The following PHACTR2 variants were observed in gnomAD, a reference collection of about 807,000 sequenced individuals.
PHACTR2 encodes the protein phosphatase and actin regulator 2.
In PHACTR2, 30 loss-of-function variants were observed where a neutral mutation model predicts 76.0. That is an observed-to-expected ratio of 0.39 (90% CI 0.30 to 0.54). PHACTR2 has a LOEUF of 0.54. PHACTR2 is among the 20% of genes least tolerant of loss of function. PHACTR2 has a pLI of 0.61. For synonymous variants in PHACTR2, 292 were observed against 292.5 expected (o/e 1.00, Z 0.02); for missense variants, 696 against 781.1 (o/e 0.89, Z 1.30).
chr6:143,581,512 G>A lies in PHACTR2; in HGVS notation c.217+44305G>A, dbSNP rs114311334. On this transcript the variant is annotated intron_variant, in intron 1 of 11. Transcript: ENST00000367584. This position sits in a 1 kb window ranked among gnomAD's most constrained non-coding sequence, Gnocchi z 4.5. ...GGACCTTTTCTGCAGACGGTGGCCT[G>A]GAGAAGAAGCTCTTTTTCCACTGAA... Among the ~76,000 whole-genome samples the A allele has an allele frequency of 3.3e-5, 5 of 152,262 alleles. No individual in the cohort carries two copies. Among genetic ancestry groups the A allele is most frequent in the African/African-American group, 1.2e-4 (5 of 41,540 alleles).
chr6:143,590,595 A>G (rs1055759199), intron 1 of PHACTR2, among the ~76,000 whole-genome samples: 5 of 151,664 alleles, frequency 3.3e-5, no homozygotes, highest in African/African-American at 1.2e-4. Context: ...GCTATTGAAA[A>G]AGAGAAAGGA....
intron 1 of PHACTR2, among the ~76,000 whole-genome samples, chr6:143,650,389 C>G (rs1450529056): frequency 6.6e-6 from 1 of 152,050 alleles, no homozygotes; most frequent in African/African-American, 2.4e-5. Flanking sequence ...CGAGGCAATC[C>G]TAAGCAAAAA....
chr6:143,781,292 A>G (rs1040168294), intron 9 of PHACTR2, among the ~76,000 whole-genome samples: 8 of 152,216 alleles, frequency 5.3e-5, no homozygotes, highest in Non-Finnish European at 1.2e-4. Context: ...CTTTTTAGAC[A>G]TCACTGTTAC....
intron 4 of PHACTR2, among the ~76,000 whole-genome samples, chr6:143,759,992 C>T (rs930513940): frequency 1.3e-5 from 2 of 152,126 alleles, no homozygotes; most frequent in Admixed American, 1.3e-4. Flanking sequence ...GTGACTGTAA[C>T]GTGTTCATCT....
intron 1 of PHACTR2, 88 bp from the exon 2 acceptor site, chr6:143,711,928 C>T (rs1778183563): frequency 1.8e-6 from 2 of 1,134,802 alleles, no homozygotes; most frequent in Admixed American, 1.7e-5. Flanking sequence ...GACGTGCTTA[C>T]CGTTAACAGC....
Position 143,776,931 on chromosome 6 carries a change from GA to G in PHACTR2, c.1590-392del, listed in dbSNP as rs1449696898. On this transcript the variant is annotated intron_variant, in intron 8 of 12. Coordinates refer to ENST00000440869, the MANE Select transcript of PHACTR2 (RefSeq NM_001100164.2). This position sits in a 1 kb window ranked among gnomAD's most constrained non-coding sequence, Gnocchi z 5.3. Reference sequence around the variant, plus strand: ...CATCATGCTGAAGTTCTAGCCTGTGGAAAAAGGAAAGAGAAAGAAGGGAGCA... The same window carrying G: ...CATCATGCTGAAGTTCTAGCCTGTGGAAAAGGAAAGAGAAAGAAGGGAGCA... Among the ~76,000 whole-genome samples, 1 of 152,166 alleles carries G rather than the reference GA, an allele frequency of 6.6e-6. No individual in the cohort carries two copies. Among genetic ancestry groups the G allele is most frequent in the Non-Finnish European group, 1.5e-5 (1 of 68,032 alleles).
chr6:143,577,890 GA>G (rs1198892070), intron 1 of PHACTR2, among the ~76,000 whole-genome samples: 1 of 152,154 alleles, frequency 6.6e-6, no homozygotes, highest in Non-Finnish European at 1.5e-5. Context: ...AAAACCAAGG[GA>G]AAGCGAGAGG....
rs1357958727 is a variant in PHACTR2 at position 143,739,176 on chromosome 6, T to G, written c.215-9809T>G. ...GCCTCCCGGGTTCACTCCGTTCTCC[T>G]GCCTCAGCCTCCCAAGTAGCTGGGA... On this transcript the variant is annotated intron_variant, in intron 2 of 12. Coordinates refer to ENST00000440869, the MANE Select transcript of PHACTR2 (RefSeq NM_001100164.2). The surrounding 1 kb of genome is among the most constrained non-coding windows in gnomAD (Gnocchi z 4.3). Among the ~76,000 whole-genome samples, 2 of 152,178 alleles carry G rather than the reference T, an allele frequency of 1.3e-5. No homozygotes were observed. Among genetic ancestry groups the G allele is most frequent in the Non-Finnish European group, 2.9e-5 (2 of 68,018 alleles).
At chr6:143,603,882 T>G (rs920829272), upstream of PHACTR2, among the ~76,000 whole-genome samples, 3 of 151,990 alleles carry the variant, frequency 2.0e-5, no homozygotes, top group African/African-American at 7.2e-5. Context: ...GTGGATCACT[T>G]GAGGTCAGGA....
Position 143,654,240 on chromosome 6 carries a change from G to C in PHACTR2, c.13+45918G>C, listed in dbSNP as rs1279298055. On this transcript the variant is annotated intron_variant, in intron 1 of 11. Transcript: ENST00000305766. The surrounding 1 kb of genome is among the most constrained non-coding windows in gnomAD (Gnocchi z 4.6). ...TTGCAAGGATTTGGAGAAATTGATG[G>C]TGGAAATTTAAAATGATATAGTCAC... Among the ~76,000 whole-genome samples, 2 of 152,142 alleles carry C rather than the reference G, an allele frequency of 1.3e-5. No individual in the cohort carries two copies. Among genetic ancestry groups the C allele is most frequent in the African/African-American group, 4.8e-5 (2 of 41,434 alleles).
At chr6:143,735,323 A>G (rs773883233) in intron 2 of PHACTR2, among the ~76,000 whole-genome samples, 3 of 152,248 alleles carry the variant, frequency 2.0e-5, no homozygotes, top group Non-Finnish European at 2.9e-5. Flanking sequence ...ACTAGATATT[A>G]GAAAATTATT....
intron 12 of PHACTR2, among the ~76,000 whole-genome samples, chr6:143,812,135 C>T (rs981509304): frequency 2.6e-5 from 4 of 152,084 alleles, no homozygotes; most frequent in African/African-American, 9.7e-5. Flanking sequence ...AGGCCATTTC[C>T]AACCCAGTGA....
At chr6:143,544,253 G>GGAAGGAAGGGAGGCAGGGAAA (rs111872744) in intron 1 of PHACTR2, among the ~76,000 whole-genome samples, 10,019 of 144,084 alleles carry the variant, frequency 0.07, 1,102 homozygotes, top group African/African-American at 0.27. Flanking sequence ...GGAGGGAGTG[G>GGAAGGAAGGGAGGCAGGGAAA]GAAGGAAGGA....
chr6:143,713,216 C>G (rs986628149), intron 2 of PHACTR2, among the ~76,000 whole-genome samples: 1 of 151,902 alleles, frequency 6.6e-6, no homozygotes, highest in Non-Finnish European at 1.5e-5. Context: ...CAAAGCTCCC[C>G]AAAAAAGTGG....
At position 143,539,072 on chromosome 6, in the gene PHACTR2, A is replaced by G. The variant is rs1199808028; in HGVS notation, c.217+1865A>G. ...TAGACAAAGTATAGCTTGCATCGCCATTTTTCATTTTCATGGATGGAAATT... is the reference window on the plus strand; with the variant it reads ...TAGACAAAGTATAGCTTGCATCGCCGTTTTTCATTTTCATGGATGGAAATT... On this transcript the variant is annotated intron_variant, in intron 1 of 11. Transcript: ENST00000367584. This position sits in a 1 kb window ranked among gnomAD's most constrained non-coding sequence, Gnocchi z 4.3. Among the ~76,000 whole-genome samples the G allele has an allele frequency of 6.6e-6, 1 of 152,206 alleles. No individual in the cohort carries two copies. Among genetic ancestry groups the G allele is most frequent in the African/African-American group, 2.4e-5 (1 of 41,444 alleles).
chr6:143,615,621 TA>T (rs11324268), intron 1 of PHACTR2, among the ~76,000 whole-genome samples: 3,854 of 152,088 alleles, frequency 0.025, 166 homozygotes, highest in African/African-American at 0.085. Context: ...GTTACCATTG[TA>T]AAAAAAATTA....
intron 1 of PHACTR2, among the ~76,000 whole-genome samples, chr6:143,582,569 T>G (rs1775588153): frequency 6.6e-6 from 1 of 152,096 alleles, no homozygotes; most frequent in Non-Finnish European, 1.5e-5. Context: ...ATAGTGTCAT[T>G]TATAACATTA....
At chr6:143,815,194 G>A (rs1039493286) in intron 12 of PHACTR2, among the ~76,000 whole-genome samples, 5 of 152,182 alleles carry the variant, frequency 3.3e-5, no homozygotes, top group Non-Finnish European at 5.9e-5. Context: ...ACTACTACCA[G>A]AGTTGAAAGC....
rs113262854 is a variant in PHACTR2, at chr6:143,730,395, T to A, written c.214+18212T>A. On this transcript the variant is annotated intron_variant, in intron 2 of 12. Transcript: ENST00000440869. The surrounding 1 kb of genome is among the most constrained non-coding windows in gnomAD (Gnocchi z 4.8). Reference sequence around the variant, plus strand: ...TAGAAAACAGTTAATAAGTTTATACTTCAGTATTTGTTTTCTTTATTTTTT... The same window carrying A: ...TAGAAAACAGTTAATAAGTTTATACATCAGTATTTGTTTTCTTTATTTTTT... 6.6e-6 allele frequency among the ~76,000 whole-genome samples: 1 copy of A among 152,182 alleles called. No individual in the cohort carries two copies. Among genetic ancestry groups the A allele is most frequent in the East Asian group, 1.9e-4 (1 of 5,204 alleles).
Sources: gnomAD v4.1 joint callset for allele counts (sites outside exome capture counted in the v4.1 genomes callset) on GRCh38, gnomAD v4.1.1 for gene constraint, Gnocchi (gnomAD v3.1) non-coding constraint, MANE v1.5 for transcripts, NCBI Gene and HGNC (gene_info 2026-07-23, HGNC 2026-07-21) for gene names.